FBXW11: variants seen among roughly 807,000 people sequenced by gnomAD.
The protein encoded by FBXW11 is F-box/WD repeat-containing protein 11.
A neutral mutation model predicts 77.6 loss-of-function variants in FBXW11; 19 were observed. The ratio of observed to expected loss-of-function variants is 0.24; its 90% confidence interval spans 0.17 to 0.36. The LOEUF is 0.36. FBXW11 is among the 10% of genes least tolerant of loss of function. FBXW11 has a pLI of 1.00. For synonymous variants in FBXW11, 235 were observed against 249.4 expected (o/e 0.94, Z 0.54); for missense variants, 334 against 704.2 (o/e 0.47, Z 5.95).
intron 1 of FBXW11, among the ~76,000 whole-genome samples, chr5:171,994,704 TACC>T (rs368238674): frequency 2.6e-5 from 4 of 151,866 alleles, no homozygotes; most frequent in South Asian, 2.1e-4. Context: ...GTACCATTAC[TACC>T]ACCACCACCA....
chr5:171,958,251 G>C (rs1314064552), intron 1 of FBXW11, among the ~76,000 whole-genome samples: 1 of 152,164 alleles, frequency 6.6e-6, no homozygotes, highest in African/African-American at 2.4e-5. Context: ...ACTTTGGTTT[G>C]TCTGCTACCA....
chr5:171,961,978 T>G (rs1405985743), intron 1 of FBXW11, among the ~76,000 whole-genome samples: 1 of 152,204 alleles, frequency 6.6e-6, no homozygotes, highest in South Asian at 2.1e-4. Flanking sequence ...AAATTTTTAA[T>G]TTAGGGACAT....
chr5:171,911,884 A>C (rs1760905633), intron 3 of FBXW11, among the ~76,000 whole-genome samples: 1 of 152,246 alleles, frequency 6.6e-6, no homozygotes, highest in South Asian at 2.1e-4. Context: ...TAAAAACAAA[A>C]TAACCTCAAT....
chr5:171,932,432 T>C (rs1002056565), intron 2 of FBXW11, among the ~76,000 whole-genome samples: 6 of 152,186 alleles, frequency 3.9e-5, no homozygotes, highest in African/African-American at 1.4e-4. Context: ...GGAACTCTCA[T>C]TCATTGCTGG....
chr5:171,883,848 ATT>A (rs1385243797), intron 7 of FBXW11, among the ~76,000 whole-genome samples: 1 of 150,342 alleles, frequency 6.7e-6, no homozygotes, highest in Non-Finnish European at 1.5e-5. Context: ...TTTTGATGGG[ATT>A]GTTTGTTTTT....
chr5:171,963,781 T>A (rs149085321), intron 1 of FBXW11, among the ~76,000 whole-genome samples: 1 of 152,164 alleles, frequency 6.6e-6, no homozygotes, highest in East Asian at 1.9e-4. Flanking sequence ...CAAAGAAATA[T>A]CCCATGTTTT....
chr5:171,958,420 TGATA>T (rs541915045), intron 1 of FBXW11, among the ~76,000 whole-genome samples: 257 of 152,288 alleles, frequency 1.7e-3, no homozygotes, highest in African/African-American at 5.8e-3. Flanking sequence ...GGTGACAGAC[TGATA>T]GATAAAGGCA....
chr5:171,914,798 AC>A (rs1324236352), intron 2 of FBXW11, among the ~76,000 whole-genome samples: 1 of 152,094 alleles, frequency 6.6e-6, no homozygotes, highest in Non-Finnish European at 1.5e-5. Context: ...TCAGTAATGC[AC>A]CCCAAGGAAT....
intron 6 of FBXW11, among the ~76,000 whole-genome samples, chr5:171,896,980 G>GT (rs1759782958): frequency 6.6e-6 from 1 of 151,856 alleles, no homozygotes; most frequent in African/African-American, 2.4e-5. Context: ...CAAAATGGGA[G>GT]TAAAAAAAAA....
chr5:172,006,156 G>A (rs372677427), intron 1 of FBXW11, among the ~76,000 whole-genome samples: 1 of 152,228 alleles, frequency 6.6e-6, no homozygotes, highest in African/African-American at 2.4e-5. Flanking sequence ...GTGCTAGAGC[G>A]AGTGCGACCT....
intron 1 of FBXW11, among the ~76,000 whole-genome samples, chr5:171,995,594 A>G (rs1249752564): frequency 6.6e-6 from 1 of 152,036 alleles, no homozygotes; most frequent in East Asian, 1.9e-4. Flanking sequence ...TCTACTAAAA[A>G]TACAAAAAAA....
chr5:171,945,656 C>T (rs961896708), intron 2 of FBXW11, among the ~76,000 whole-genome samples: 9 of 152,166 alleles, frequency 5.9e-5, no homozygotes, highest in African/African-American at 1.2e-4. Flanking sequence ...TGGTTCTCTG[C>T]GAAGCACTCA....
intron 2 of FBXW11, among the ~76,000 whole-genome samples, chr5:171,956,413 A>C (rs1763616940): frequency 6.6e-6 from 1 of 152,204 alleles, no homozygotes; most frequent in African/African-American, 2.4e-5. Flanking sequence ...CAGAATCTAA[A>C]GACAACTGGG....
At chr5:171,944,523 G>A (rs1180639102) in intron 2 of FBXW11, among the ~76,000 whole-genome samples, 8 of 147,654 alleles carry the variant, frequency 5.4e-5, no homozygotes, top group African/African-American at 2.0e-4. Context: ...CCTGCAGTGA[G>A]CGGAGATCGC....
At position 171,899,905 on chromosome 5, in the gene FBXW11, A is replaced by G. The variant is rs762485313; in HGVS notation, c.623+9T>C. 2 of 1,597,254 alleles carry G rather than the reference A, an allele frequency of 1.3e-6. No homozygotes were observed. The highest frequency in any genetic ancestry group is 1.7e-5 in the Admixed American group (1 of 58,072). Reference sequence around the variant, plus strand: ...TTTTTTCAAGGGAACAAGCAACCCAAGTACTTACCACCCTCTTCTTTCTGA... The same window carrying G: ...TTTTTTCAAGGGAACAAGCAACCCAGGTACTTACCACCCTCTTCTTTCTGA... On this transcript the variant is annotated intron_variant, in intron 5 of 13. Coordinates refer to ENST00000517395, the MANE Select transcript of FBXW11 (RefSeq NM_001378974.1).
intron 6 of FBXW11, among the ~76,000 whole-genome samples, chr5:171,898,673 A>G (rs1445045509): frequency 1.3e-5 from 2 of 152,148 alleles, no homozygotes; most frequent in Non-Finnish European, 2.9e-5. Flanking sequence ...AATGTAAAAC[A>G]ATGCTTACTT....
intron 3 of FBXW11, among the ~76,000 whole-genome samples, chr5:171,912,971 C>G (rs1007860036): frequency 6.6e-6 from 1 of 150,682 alleles, no homozygotes; most frequent in Non-Finnish European, 1.5e-5. Context: ...TATCAAGAAA[C>G]AAAAGGCAAG....
intron 1 of FBXW11, among the ~76,000 whole-genome samples, chr5:171,985,114 C>T (rs931312052): frequency 1.3e-5 from 2 of 152,228 alleles, no homozygotes; most frequent in African/African-American, 4.8e-5. Context: ...ATTTCCTCCT[C>T]TTCATACCAT....
At chr5:171,958,486 C>A (rs1038806587) in intron 1 of FBXW11, among the ~76,000 whole-genome samples, 6 of 152,146 alleles carry the variant, frequency 3.9e-5, no homozygotes, top group Non-Finnish European at 7.4e-5. Flanking sequence ...ACATCTCCAC[C>A]TTCCCAAAGG....
Sources: gnomAD v4.1 joint callset for allele counts (sites outside exome capture counted in the v4.1 genomes callset) on GRCh38, gnomAD v4.1.1 for gene constraint, MANE v1.5 for transcripts, NCBI Gene and HGNC (gene_info 2026-07-23, HGNC 2026-07-21) for gene names.